TMEM101: variants seen among roughly 807,000 people sequenced by gnomAD.
TMEM101 encodes transmembrane protein 101.
Under a neutral mutation model 26.0 loss-of-function variants are expected in TMEM101, and 14 were observed. That is an observed-to-expected ratio of 0.54 (90% CI 0.36 to 0.84). TMEM101 has a LOEUF of 0.84. TMEM101 is among the 40% of genes least tolerant of loss of function. The probability of loss-of-function intolerance (pLI) is 0.01; values close to 1 mark genes in which losing one functional copy is unlikely to be tolerated. For synonymous variants in TMEM101, 152 were observed against 145.1 expected, an observed-to-expected ratio of 1.05 and a Z score of -0.34; for missense variants, 292 against 345.1, an observed-to-expected ratio of 0.85 and a Z score of 1.22.
intron 3 of TMEM101, chr17:44,012,728 G>A (rs1039085344): frequency 2.1e-5 from 9 of 425,970 alleles, no homozygotes; most frequent in Admixed American, 1.5e-4. Context: ...TTGGGGGCTG[G>A]AGCCATGAGA....
Position 44,012,363 on chromosome 17 carries a change from G to C in TMEM101, c.466-127C>G, listed in dbSNP as rs900506619. On this transcript the variant is annotated intron_variant, in intron 3 of 3. Coordinates refer to ENST00000206380, the MANE Select transcript of TMEM101 (RefSeq NM_032376.4). ...GCTTCTGACTCCCCTCTTGGACTGG[G>C]GAACCTCTGAAAGTAGGGCCTTTGT... 1.0e-5 allele frequency: 9 copies of C among 894,050 alleles called. No individual in the cohort carries two copies. In the African/African-American group the frequency reaches 1.4e-4, roughly 13 times the overall value. 55.4% of individuals were successfully genotyped at this position (894,050 alleles called of 1,614,324 possible). A position where few individuals can be genotyped will look rare whatever the true frequency, so the allele number is the denominator to read the frequency against.
At chr17:44,013,515 C>T (rs955142378) in intron 2 of TMEM101, among the ~76,000 whole-genome samples, 2 of 152,038 alleles carry the variant, frequency 1.3e-5, no homozygotes, top group African/African-American at 2.4e-5. Context: ...AAAAATTAGT[C>T]GGGCGTGGGG....
Position 44,011,803 on chromosome 17 carries a change from A to T in TMEM101, c.*125T>A. The T allele has an allele frequency of 8.7e-7, 1 of 1,153,212 alleles. No homozygotes were observed. Among genetic ancestry groups the T allele is most frequent in the Non-Finnish European group, 1.2e-6 (1 of 833,250 alleles). The allele number at this position is 1,153,212 out of a possible 1,614,324, so 71.4% of individuals were successfully genotyped here. A position where few individuals can be genotyped will look rare whatever the true frequency, so the allele number is the denominator to read the frequency against. On this transcript the variant is annotated 3_prime_UTR_variant, in exon 4 of 4. Transcript: ENST00000206380. ...CCTCTTAACTGCAAAAAACAATTTT[A>T]AAAAAGCAAAAGATCAAACAAACAG... is the stretch of plus-strand genomic sequence containing the variant.
At chr17:44,022,035 C>T (rs527332121) in intron 1 of TMEM101, among the ~76,000 whole-genome samples, 1 of 152,286 alleles carries the variant, frequency 6.6e-6, no homozygotes, top group East Asian at 1.9e-4. Context: ...AAGCCATGGT[C>T]TCTTTCTCTC....
chr17:44,021,463 G>A (rs2049284895), intron 1 of TMEM101: 1 of 152,206 alleles, frequency 6.6e-6, no homozygotes, highest in African/African-American at 2.4e-5. Context: ...AGACGCATGA[G>A]CACCAACATG....
chr17:44,020,798 C>A (rs924272749), intron 2 of TMEM101, among the ~76,000 whole-genome samples: 16 of 152,222 alleles, frequency 1.1e-4, no homozygotes, highest in African/African-American at 3.4e-4. Context: ...TTAGCAGGGA[C>A]AATTCTCCAA....
At chr17:44,013,591 G>A (rs1222507572) in intron 2 of TMEM101, among the ~76,000 whole-genome samples, 2 of 152,152 alleles carry the variant, frequency 1.3e-5, no homozygotes, top group Non-Finnish European at 2.9e-5. Flanking sequence ...CCTGGAAGGC[G>A]GAGGTTGCAG....
rs2049159201 is a variant in TMEM101 at position 44,011,688 on chromosome 17, T to A, written c.*240A>T. 1 of 525,576 alleles carries A rather than the reference T, an allele frequency of 1.9e-6. No individual in the cohort carries two copies. The highest frequency in any genetic ancestry group is 3.4e-6 in the Non-Finnish European group (1 of 297,150). 32.6% of individuals were successfully genotyped at this position (525,576 alleles called of 1,614,324 possible). A position where few individuals can be genotyped will look rare whatever the true frequency, so the allele number is the denominator to read the frequency against. ...GACTCAGTGGGCAGCTGGCCTCAGC[T>A]CTCCTAACAGGAAAAAAACCTGTAC... On this transcript the variant is annotated 3_prime_UTR_variant, in exon 4 of 4. Transcript: ENST00000206380.
At chr17:44,013,193 G>C (rs2144009973) in intron 2 of TMEM101, 38 bp from the exon 3 acceptor site, 1 of 1,478,748 alleles carries the variant, frequency 6.8e-7, no homozygotes, top group Non-Finnish European at 9.1e-7. Context: ...AAGAACTGCA[G>C]CCGCCACATC....
rs112420996 is a variant in TMEM101, at chr17:44,011,867, G to T, written c.*61C>A. The T allele has an allele frequency of 4.5e-5, 66 of 1,477,082 alleles. No individual in the cohort carries two copies. The African/African-American group carries it at 6.4e-4, about 14-fold the overall frequency. The allele number at this position is 1,477,082 out of a possible 1,614,324, so 91.5% of individuals were successfully genotyped here. A position where few individuals can be genotyped will look rare whatever the true frequency, so the allele number is the denominator to read the frequency against. The stretch of plus-strand genomic sequence containing the variant: ...AATAAACAGCAGCTGGGCCAGCAAG[G>T]AGGAAGGCAGGGTGACCCTCAGTGG... On this transcript the variant is annotated 3_prime_UTR_variant, in exon 4 of 4. Transcript: ENST00000206380.
chr17:44,011,465 A>C lies in TMEM101; in HGVS notation c.*463T>G. 1 of 178,514 alleles carries C rather than the reference A, an allele frequency of 5.6e-6. No individual in the cohort carries two copies. The highest frequency in any genetic ancestry group is 1.2e-4 in the South Asian group (1 of 8,378). The allele number at this position is 178,514 out of a possible 1,614,324, so 11.1% of individuals were successfully genotyped here. ...AGCCCCTGTGCCCTTCCTGGGCCTG[A>C]TCCACATGTGTCAACACACGCACTC... On this transcript the variant is annotated 3_prime_UTR_variant, in exon 4 of 4. Transcript: ENST00000206380.
At chr17:44,022,119 A>T (rs998359023) in intron 1 of TMEM101, among the ~76,000 whole-genome samples, 3 of 152,212 alleles carry the variant, frequency 2.0e-5, no homozygotes, top group African/African-American at 7.2e-5. Flanking sequence ...GGGGAATATG[A>T]CGTTTCCAGA....
At chr17:44,020,196 T>C (rs2049273200) in intron 2 of TMEM101, among the ~76,000 whole-genome samples, 1 of 152,190 alleles carries the variant, frequency 6.6e-6, no homozygotes, top group Non-Finnish European at 1.5e-5. Flanking sequence ...AGAGAAATAT[T>C]ATCCCAGATG....
upstream of TMEM101, among the ~76,000 whole-genome samples, chr17:44,018,662 G>C (rs2049256749): frequency 6.6e-6 from 1 of 152,126 alleles, no homozygotes; most frequent in South Asian, 2.1e-4. Context: ...CCATAAAATA[G>C]TCCTAGGAGT....
At chr17:44,021,803 A>G (rs1015731494) in intron 1 of TMEM101, among the ~76,000 whole-genome samples, 1 of 152,244 alleles carries the variant, frequency 6.6e-6, no homozygotes, top group African/African-American at 2.4e-5. Context: ...TTTCCAGCAA[A>G]GCCCAACAGC....
intron 3 of TMEM101, chr17:44,012,461 G>A (rs564231352): frequency 5.4e-6 from 3 of 560,264 alleles, no homozygotes; most frequent in South Asian, 2.4e-5. Context: ...TATGAAGGAA[G>A]TGTATTTCCA....
chr17:44,015,345 G>A (rs1211122934), upstream of TMEM101, among the ~76,000 whole-genome samples: 1 of 151,998 alleles, frequency 6.6e-6, no homozygotes, highest in African/African-American at 2.4e-5. Flanking sequence ...CATGAAATGG[G>A]GATAATTACA....
At position 44,014,402 on chromosome 17, in the gene TMEM101, G is replaced by A. The variant is rs1281371151; in HGVS notation, c.273C>T (p.Tyr91=). 1.0e-5 allele frequency: 16 copies of A among 1,555,226 alleles called. No homozygotes were observed. Among genetic ancestry groups the A allele is most frequent in the African/African-American group, 1.4e-5 (1 of 73,336 alleles). ...GAALQLAIST[Y]AAYIGGYVHY... is the part of the protein sequence containing the mutation. ...GGACGTAGCCCCCGATGTAGGCGGC[G>A]TAGGTGCTAATGGCCAATTGGAGTG... The change falls in exon 2 of 4, where the codon TAC becomes TAT. Residue 91 remains tyrosine, a synonymous_variant. Transcript: ENST00000206380.
At chr17:44,012,923 G>T in intron 3 of TMEM101, 86 bp downstream of exon 3, 1 of 1,405,766 alleles carries the variant, frequency 7.1e-7, no homozygotes, top group Non-Finnish European at 9.5e-7. Flanking sequence ...GCCTCGTTCT[G>T]TGTCTACCTT....
Sources: allele counts gnomAD v4.1 joint callset (sites outside exome capture counted in the v4.1 genomes callset), GRCh38; gene constraint gnomAD v4.1.1; transcripts MANE v1.5; gene names NCBI Gene and HGNC (gene_info 2026-07-23, HGNC 2026-07-21).